LARP4B: variants seen among roughly 807,000 people sequenced by gnomAD.
LARP4B encodes the protein la-related protein 4B.
Under a neutral mutation model 89.8 loss-of-function variants are expected in LARP4B, and 12 were observed. The ratio of observed to expected loss-of-function variants is 0.13; its 90% confidence interval spans 0.09 to 0.22. The LOEUF is 0.22. Ranked by LOEUF, LARP4B falls within the 10% of genes least tolerant of loss-of-function variation. The pLI is 1.00. For synonymous variants in LARP4B, 367 were observed against 363.3 expected, an observed-to-expected ratio of 1.01 and a Z score of -0.12; for missense variants, 757 against 947.7, an observed-to-expected ratio of 0.80 and a Z score of 2.64.
chr10:923,385 T>G (rs1488524328), intron 1 of LARP4B, among the ~76,000 whole-genome samples: 2 of 152,086 alleles, frequency 1.3e-5, no homozygotes, highest in African/African-American at 4.8e-5. Flanking sequence ...CATCTTTTCC[T>G]TTGCAAACGT....
At chr10:909,281 A>C (rs573908974) in intron 1 of LARP4B, among the ~76,000 whole-genome samples, 61 of 135,390 alleles carry the variant, frequency 4.5e-4, no homozygotes, top group African/African-American at 1.5e-3. Context: ...GCGACAGAGC[A>C]CGACTCCGTC....
rs549188728 is a variant in LARP4B at position 898,230 on chromosome 10, G to C, written c.-39-12470C>G. Among the ~76,000 whole-genome samples the C allele has an allele frequency of 2.0e-5, 3 of 152,292 alleles. No homozygotes were observed. In the South Asian group the frequency reaches 6.2e-4, roughly 32 times the overall value. ...TTGGATGACTATTATCAGAAAGATAGGTAATATCAAGTGTGGCTAGTACAT... is the reference window on the plus strand; with the variant it reads ...TTGGATGACTATTATCAGAAAGATACGTAATATCAAGTGTGGCTAGTACAT... On this transcript the variant is annotated intron_variant, in intron 1 of 17. Coordinates refer to ENST00000316157, the MANE Select transcript of LARP4B (RefSeq NM_015155.3).
chr10:930,908 C>T (rs972581113), intron 1 of LARP4B, among the ~76,000 whole-genome samples: 1 of 151,128 alleles, frequency 6.6e-6, no homozygotes, highest in Non-Finnish European at 1.5e-5. Context: ...GCAAGGCTGG[C>T]GCCGCACTGC....
chr10:897,987 CAAAAAAA>C (rs58452748), intron 1 of LARP4B, among the ~76,000 whole-genome samples: 14 of 25,626 alleles, frequency 5.5e-4, no homozygotes, highest in Non-Finnish European at 8.4e-4. Context: ...GGCTCCATCT[CAAAAAAA>C]AAAAAAAAAA....
intron 1 of LARP4B, among the ~76,000 whole-genome samples, chr10:931,021 G>T (rs1308695612): frequency 7.9e-6 from 1 of 127,318 alleles, no homozygotes; most frequent in African/African-American, 2.9e-5. Flanking sequence ...GCCCAACCCC[G>T]GCCTCCCGAC....
the LARP4B span, among the ~76,000 whole-genome samples, chr10:975,251 T>C: frequency 1.3e-5 from 2 of 152,256 alleles, no homozygotes; most frequent in African/African-American, 4.8e-5. Flanking sequence ...ATGTGCTTGT[T>C]TGAATTAATT....
chr10:823,518 A>G (rs1009735553), intron 13 of LARP4B, among the ~76,000 whole-genome samples: 1 of 151,826 alleles, frequency 6.6e-6, no homozygotes, highest in Non-Finnish European at 1.5e-5. Context: ...AACAAGCCCC[A>G]CTTTCATTTG....
the LARP4B span, among the ~76,000 whole-genome samples, chr10:955,520 G>A: frequency 6.6e-6 from 1 of 152,148 alleles, no homozygotes; most frequent in African/African-American, 2.4e-5. The surrounding 1 kb of genome is among the most constrained non-coding windows in gnomAD (Gnocchi z 5.2). Context: ...CTGCTGATTG[G>A]AGCATGTCCT....
intron 1 of LARP4B, among the ~76,000 whole-genome samples, chr10:918,542 G>A (rs1462133504): frequency 1.3e-5 from 2 of 150,788 alleles, no homozygotes; most frequent in Non-Finnish European, 2.9e-5. Context: ...GCTGAGGAGG[G>A]AGGACCGCTT....
At chr10:955,308 GCAGCCCGT>G in the LARP4B span, among the ~76,000 whole-genome samples, 2 of 152,222 alleles carry the variant, frequency 1.3e-5, no homozygotes, top group Non-Finnish European at 2.9e-5. The surrounding 1 kb of genome is among the most constrained non-coding windows in gnomAD (Gnocchi z 5.2). Context: ...AGCCAGGACT[GCAGCCCGT>G]GGGGGGCCCA....
the LARP4B span, among the ~76,000 whole-genome samples, chr10:951,162 T>A: frequency 6.6e-6 from 1 of 152,232 alleles, no homozygotes; most frequent in South Asian, 2.1e-4. Flanking sequence ...GGCTGGGAGC[T>A]TCAGTCTTTT....
At chr10:911,013 T>C (rs1366056968) in intron 1 of LARP4B, among the ~76,000 whole-genome samples, 1 of 152,280 alleles carries the variant, frequency 6.6e-6, no homozygotes, top group East Asian at 1.9e-4. Context: ...AGTTAGTAAA[T>C]TATACAAAAT....
intron 1 of LARP4B, among the ~76,000 whole-genome samples, chr10:901,833 T>C (rs1836352991): frequency 6.6e-6 from 1 of 151,996 alleles, no homozygotes; most frequent in Non-Finnish European, 1.5e-5. Flanking sequence ...AGTGAGAAAA[T>C]GTGAGTTTTA....
At chr10:928,154 G>A (rs1030244724) in intron 1 of LARP4B, among the ~76,000 whole-genome samples, 1 of 151,846 alleles carries the variant, frequency 6.6e-6, no homozygotes, top group Non-Finnish European at 1.5e-5. Flanking sequence ...CCCGAGAGGC[G>A]GAGGATGCAG....
rs561322005 is a variant in LARP4B at position 920,427 on chromosome 10, A to G, written c.-40+11001T>C. ...AACAAAACTCACAGTCTTAGAATAT[A>G]AACATCTTACTTCAAAAGTACTATT... is the stretch of plus-strand genomic sequence containing the variant. On this transcript the variant is annotated intron_variant, in intron 1 of 17. Transcript: ENST00000316157. Among the ~76,000 whole-genome samples, 27 of 152,372 alleles carry G rather than the reference A, an allele frequency of 1.8e-4. No individual in the cohort carries two copies. In the South Asian group the frequency reaches 2.9e-3, roughly 16 times the overall value.
the LARP4B span, among the ~76,000 whole-genome samples, chr10:957,870 C>T: frequency 7.0e-6 from 1 of 143,680 alleles, no homozygotes; most frequent in Non-Finnish European, 1.5e-5. Flanking sequence ...GGTCTTGGTT[C>T]ACTGCAACCT....
At chr10:972,377 T>C in the LARP4B span, 32 of 417,016 alleles carry the variant, frequency 7.7e-5, no homozygotes, top group Non-Finnish European at 1.5e-4. Flanking sequence ...CCTCACCAGA[T>C]GCTGGCACCA....
chr10:960,707 C>CAA, the LARP4B span, among the ~76,000 whole-genome samples: 3 of 65,884 alleles, frequency 4.6e-5, no homozygotes, highest in African/African-American at 6.6e-5. Context: ...GACTCTGTCT[C>CAA]AAAAAAAAAA....
rs1835642601 is a variant in LARP4B, at chr10:880,865, A to C, written c.141+3582T>G. The stretch of plus-strand genomic sequence containing the variant: ...TAATTTAACATAAACACTTCTACCT[A>C]ATATTACCTGTCCCTTAAACATCAT... On this transcript the variant is annotated intron_variant, in intron 3 of 17. Coordinates refer to ENST00000316157, the MANE Select transcript of LARP4B (RefSeq NM_015155.3). Among the ~76,000 whole-genome samples, 3 of 152,206 alleles carry C rather than the reference A, an allele frequency of 2.0e-5. No individual in the cohort carries two copies. The South Asian group carries it at 6.2e-4, about 32-fold the overall frequency.
Sources: gnomAD v4.1 joint callset for allele counts (sites outside exome capture counted in the v4.1 genomes callset) on GRCh38, gnomAD v4.1.1 for gene constraint, Gnocchi (gnomAD v3.1) non-coding constraint, MANE v1.5 for transcripts, NCBI Gene and HGNC (gene_info 2026-07-23, HGNC 2026-07-21) for gene names.